Variants in MUC4 observed in about 807,000 individuals in gnomAD.
The protein encoded by MUC4 is mucin-4.
Under a neutral mutation model 257.9 loss-of-function variants are expected in MUC4, and 202 were observed. That is an observed-to-expected ratio of 0.78 (90% CI 0.70 to 0.88). The LOEUF is 0.88. Among genes scored for constraint, MUC4 ranks in the 40% least tolerant of loss-of-function variants. The pLI, the probability that MUC4 is intolerant of heterozygous loss-of-function variation, is 0.00. For synonymous variants in MUC4, 2,351 were observed against 2,757.1 expected (o/e 0.85, Z 4.62); for missense variants, 5,976 against 6,513.7 (o/e 0.92, Z 2.84).
chr3:195,802,651 C>G (rs1171016608), intron 1 of MUC4, among the ~76,000 whole-genome samples: 1 of 152,058 alleles, frequency 6.6e-6, no homozygotes, highest in Non-Finnish European at 1.5e-5. Flanking sequence ...ATGTCAGAAA[C>G]CAGAATCCTC....
At chr3:195,768,734 G>A (rs1328414580) in intron 7 of MUC4, among the ~76,000 whole-genome samples, 1 of 152,244 alleles carries the variant, frequency 6.6e-6, no homozygotes, top group Non-Finnish European at 1.5e-5. Context: ...ATTTGAGAAG[G>A]TAAGAGAGGC....
Position 195,781,050 on chromosome 3 carries a change from A to C in MUC4, c.10530T>G (p.Ala3510=), listed in dbSNP as rs1168214353. 1 of 1,503,174 alleles carries C rather than the reference A, an allele frequency of 6.7e-7. No individual in the cohort carries two copies. The highest frequency in any genetic ancestry group is 1.2e-5 in the South Asian group (1 of 82,250). The allele number at this position is 1,503,174 out of a possible 1,614,324, so 93.1% of individuals were successfully genotyped here. ...TGGCGTGACCGGTGGATGCTGAGGA[A>C]GCGCCGGTGACAGGAAGAGTGCTGG... is the stretch of plus-strand genomic sequence containing the variant. The part of the protein sequence containing the change: ...GDTSTLPVTG[A]SSASTGHATP... Residue 3510 remains alanine (A), a synonymous_variant, in exon 2 of 25, where the codon GCT becomes GCG. Coordinates refer to ENST00000463781, the MANE Select transcript of MUC4 (RefSeq NM_018406.7).
At chr3:195,803,460 G>A (rs1030310748) in intron 1 of MUC4, among the ~76,000 whole-genome samples, 1 of 152,220 alleles carries the variant, frequency 6.6e-6, no homozygotes, top group Non-Finnish European at 1.5e-5. Flanking sequence ...CAAGCAGCGA[G>A]AGCCTCCGCA....
chr3:195,763,657 A>C lies in MUC4; in HGVS notation c.14045-16T>G. The C allele has an allele frequency of 6.7e-7, 1 of 1,490,020 alleles. No individual in the cohort carries two copies. The highest frequency in any genetic ancestry group is 9.0e-7 in the Non-Finnish European group (1 of 1,111,034). The allele number at this position is 1,490,020 out of a possible 1,614,324, so 92.3% of individuals were successfully genotyped here. A position where few individuals can be genotyped will look rare whatever the true frequency, so the allele number is the denominator to read the frequency against. The stretch of plus-strand genomic sequence containing the variant: ...AACATCCAGGCTGGAAGGAAAAAAG[A>C]GATGCTGCCTCAGCATGACAAATCA... On this transcript the variant is annotated splice_polypyrimidine_tract_variant and intron_variant, in intron 11 of 24. Transcript: ENST00000463781.
In MUC4 at chr3:195,753,236, G is replaced by A. The variant is rs373865654; in HGVS notation, c.15329-6C>T. The A allele has an allele frequency of 8.7e-6, 14 of 1,613,618 alleles. No homozygotes were observed. In the African/African-American group the frequency reaches 1.6e-4, roughly 18 times the overall value. On this transcript the variant is annotated splice_polypyrimidine_tract_variant and splice_region_variant and intron_variant, in intron 19 of 24. Coordinates refer to ENST00000463781, the MANE Select transcript of MUC4 (RefSeq NM_018406.7). ...CAGGAAAGAGCTCCCCAGAGCTGCAGAGTGAGTAGGGAGGTCAGCAGCAGC... is the reference window on the plus strand; with the variant it reads ...CAGGAAAGAGCTCCCCAGAGCTGCAAAGTGAGTAGGGAGGTCAGCAGCAGC...
In MUC4 at chr3:195,789,734, TTGA is replaced by T; in HGVS notation, c.1843_1845del (p.Ser615del). 1 of 1,613,942 alleles carries T rather than the reference TTGA, an allele frequency of 6.2e-7. No homozygotes were observed. On this transcript the variant is annotated inframe_deletion, in exon 2 of 25. Coordinates refer to ENST00000463781, the MANE Select transcript of MUC4 (RefSeq NM_018406.7). Reference sequence around the variant, plus strand: ...GTGGAATGTATTGTTGAATGATTTGTTGATGGTGCCGTTGTAATTTGTTGGGAT... The same window carrying T: ...GTGGAATGTATTGTTGAATGATTTGTTGGTGCCGTTGTAATTTGTTGGGAT...
Position 195,767,913 on chromosome 3 carries a change from T to TCACCAC in MUC4, c.13529+1108_13529+1109insGTGGTG, listed in dbSNP as rs1560266565. Among the ~76,000 whole-genome samples the TCACCAC allele has an allele frequency of 3.7e-4, 41 of 110,392 alleles. 1 individual carries two copies. Among genetic ancestry groups the TCACCAC allele is most frequent in the Admixed American group, 1.1e-3 (13 of 11,764 alleles). 72.4% of individuals were successfully genotyped at this position (110,392 alleles called of 152,430 possible). ...ACCACCACCATCACCACCATCACCA[T>TCACCAC]CGCCACTGCCACCTCCACCGCCACT... On this transcript the variant is annotated intron_variant, in intron 7 of 24. Transcript: ENST00000463781.
chr3:195,771,905 C>G, intron 4 of MUC4, 89 bp from the exon 5 acceptor site: 1 of 1,438,388 alleles, frequency 7.0e-7, no homozygotes, highest in South Asian at 1.3e-5. Flanking sequence ...AAGCGTGACC[C>G]CCAAGGGTAG....
In MUC4 at chr3:195,788,618, C is replaced by A; in HGVS notation, c.2962G>T (p.Gly988Cys). 1 of 1,594,796 alleles carries A rather than the reference C, an allele frequency of 6.3e-7. No homozygotes were observed. Among genetic ancestry groups the A allele is most frequent in the Non-Finnish European group, 8.5e-7 (1 of 1,170,414 alleles). ...GTGACATGAAGAGGGGTGGTGTGAC[C>A]TGTGGATGCCGAGGAAGCGTAGGTG... ...PVTYASSAST[G>C]HTTPLHVTDA... Residue 988 changes from glycine to cysteine, a missense_variant, in exon 2 of 25, where the codon GGT becomes TGT. Transcript: ENST00000463781.
intron 13 of MUC4, 82 bp downstream of exon 13, chr3:195,762,773 C>T: frequency 7.6e-7 from 1 of 1,312,222 alleles, no homozygotes; most frequent in Non-Finnish European, 1.0e-6. Context: ...GCCACGCGCC[C>T]GGCCCTGCAC....
At chr3:195,772,744 G>A (rs1466711057) in intron 4 of MUC4, among the ~76,000 whole-genome samples, 2 of 131,084 alleles carry the variant, frequency 1.5e-5, no homozygotes, top group South Asian at 2.4e-4. Flanking sequence ...TCTCTCCATC[G>A]CTCAGGGGTG....
rs1300860151 is a variant in MUC4, at chr3:195,789,546, G to C, written c.2034C>G (p.Pro678=). Residue 678 remains proline (P), a synonymous_variant, in exon 2 of 25, where the codon CCC becomes CCG. Transcript: ENST00000463781. ...GTGCGTCCTGAGGAACAATTTCTGA[G>C]GGCGAGTGCCCACTGGCTGTGAAGG... ...GSSFTASGHS[P]SEIVPQDAPT... 6.2e-7 allele frequency: 1 copy of C among 1,613,764 alleles called. No individual in the cohort carries two copies. The highest frequency in any genetic ancestry group is 8.5e-7 in the Non-Finnish European group (1 of 1,179,874).
Position 195,796,558 on chromosome 3 carries a change from G to A in MUC4, c.83-5061C>T, listed in dbSNP as rs912150862. On this transcript the variant is annotated intron_variant, in intron 1 of 24. Coordinates refer to ENST00000463781, the MANE Select transcript of MUC4 (RefSeq NM_018406.7). ...AAAAAAAAATTAGCTGGGCATGGTG[G>A]CAGGCGCCTGTAGTCCCAGCTACTC... Among the ~76,000 whole-genome samples the A allele has an allele frequency of 4.6e-5, 7 of 152,130 alleles. No homozygotes were observed. The East Asian group carries it at 1.4e-3, about 30-fold the overall frequency.
In MUC4 at chr3:195,779,240, G is replaced by A. The variant is rs773069586; in HGVS notation, c.12340C>T (p.Pro4114Ser). 9 of 1,369,478 alleles carry A rather than the reference G, an allele frequency of 6.6e-6. 1 individual carries two copies. The African/African-American group carries it at 1.3e-4, about 19-fold the overall frequency. The allele number at this position is 1,369,478 out of a possible 1,614,324, so 84.8% of individuals were successfully genotyped here. Residue 4114 changes from proline (P) to serine (S), a missense_variant, in exon 2 of 25, where the codon CCT (proline) becomes TCT (serine). Pro to Ser is a moderately conservative substitution (Grantham distance 74, BLOSUM62 -1). Around this residue, in one of 44 missense-constraint regions of MUC4, gnomAD observed 293 missense variants for 294.5 expected, o/e 1.00. Transcript: ENST00000463781. ...SVSTGDTTPL[P>S]VTDTSSASTG... Reference sequence around the variant, plus strand: ...GATGCAGAGGAAGTGTCGGTGACAGGAAGAGGCGTGGTGTCACCTGTGGAT... The same window carrying A: ...GATGCAGAGGAAGTGTCGGTGACAGAAAGAGGCGTGGTGTCACCTGTGGAT...
chr3:195,771,397 G>A (rs374338631), intron 5 of MUC4, among the ~76,000 whole-genome samples: 10 of 145,110 alleles, frequency 6.9e-5, no homozygotes, highest in Admixed American at 2.8e-4. Context: ...GGTCAGTCTC[G>A]CGGCCGGGTT....
chr3:195,767,829 CCAT>C (rs1318693577), intron 7 of MUC4, among the ~76,000 whole-genome samples: 2 of 115,348 alleles, frequency 1.7e-5, no homozygotes, highest in African/African-American at 3.6e-5. Flanking sequence ...ACCACCACCA[CCAT>C]CACCACCACC....
chr3:195,771,218 T>G (rs2688508), intron 5 of MUC4, among the ~76,000 whole-genome samples: 1,442 of 8,504 alleles, frequency 0.17, 492 homozygotes, highest in East Asian at 0.27. Flanking sequence ...GTTGGGTTGG[T>G]GTATTCCTGG....
At chr3:195,772,904 G>T (rs1210572729) in intron 4 of MUC4, among the ~76,000 whole-genome samples, 23 of 131,064 alleles carry the variant, frequency 1.8e-4, no homozygotes, top group African/African-American at 4.5e-4. Context: ...TCCCTTCATC[G>T]CTCAGGGGTG....
Position 195,766,728 on chromosome 3 carries a change from C to T in MUC4, c.13553G>A (p.Ser4518Asn). Reference protein sequence around the residue: ...FSSGDGYFENSPLMSQPVWER... With the variant: ...FSSGDGYFENNPLMSQPVWER... ...CCACACTGGCTGGGACATCAGTGGG[C>T]TGTTTTCGAAATAGCCATCTCCACT... The change falls in exon 8 of 25, where the codon AGC becomes AAC. Residue 4518 changes from serine to asparagine, a missense_variant. Around this residue, in one of 44 missense-constraint regions of MUC4, gnomAD observed 996 missense variants for 1,137.3 expected, o/e 0.88. Coordinates refer to ENST00000463781, the MANE Select transcript of MUC4 (RefSeq NM_018406.7). 6.2e-7 allele frequency: 1 copy of T among 1,614,174 alleles called. No homozygotes were observed. The highest frequency in any genetic ancestry group is 1.3e-5 in the African/African-American group (1 of 75,072).
Sources: allele counts gnomAD v4.1 joint callset (sites outside exome capture counted in the v4.1 genomes callset), GRCh38; gene constraint gnomAD v4.1.1; regional missense constraint gnomAD v4.1.1; transcripts MANE v1.5; gene names NCBI Gene and HGNC (gene_info 2026-07-23, HGNC 2026-07-21).